Variants in CSMD2 observed in about 807,000 individuals in gnomAD.
CSMD2 encodes CUB and Sushi multiple domains 2.
Under a neutral mutation model 398.5 loss-of-function variants are expected in CSMD2, and 130 were observed. That is an observed-to-expected ratio of 0.33 (90% CI 0.28 to 0.38). The LOEUF is 0.38. CSMD2 is among the 10% of genes least tolerant of loss of function. The pLI, the probability that CSMD2 is intolerant of heterozygous loss-of-function variation, is 1.00. For missense variants in CSMD2, 3,829 were observed against 4,764.9 expected, an observed-to-expected ratio of 0.80 and a Z score of 5.78; for synonymous variants, 1,828 against 1,908.5, an observed-to-expected ratio of 0.96 and a Z score of 1.10.
intron 2 of CSMD2, among the ~76,000 whole-genome samples, chr1:34,035,562 A>G (rs544349052): frequency 6.6e-6 from 1 of 152,304 alleles, no homozygotes; most frequent in East Asian, 1.9e-4. Flanking sequence ...TTGAAAAATC[A>G]ATCAGTGTAA....
intron 3 of CSMD2, among the ~76,000 whole-genome samples, chr1:34,014,314 C>T (rs1273724090): frequency 6.6e-6 from 1 of 152,222 alleles, no homozygotes; most frequent in East Asian, 1.9e-4. Context: ...CAGAACCTGC[C>T]CATGGGTCCT....
intron 3 of CSMD2, among the ~76,000 whole-genome samples, chr1:34,016,997 C>A (rs1230991964): frequency 6.6e-6 from 1 of 152,078 alleles, no homozygotes; most frequent in East Asian, 1.9e-4. Context: ...GTTTAACTGG[C>A]ACTGTTTTCT....
chr1:33,935,248 A>G (rs926443442), intron 4 of CSMD2, among the ~76,000 whole-genome samples: 2 of 152,256 alleles, frequency 1.3e-5, no homozygotes, highest in African/African-American at 4.8e-5. Context: ...CCGACACAGC[A>G]TAGAAGAGAG....
At chr1:33,640,457 G>C (rs1049966646) in intron 29 of CSMD2, among the ~76,000 whole-genome samples, 5 of 152,152 alleles carry the variant, frequency 3.3e-5, no homozygotes, top group African/African-American at 1.2e-4. Context: ...GTGGCTGCCT[G>C]GTTTTGTAAA....
chr1:33,582,520 C>T (rs886536904), intron 47 of CSMD2, among the ~76,000 whole-genome samples: 13 of 152,152 alleles, frequency 8.5e-5, no homozygotes, highest in African/African-American at 2.2e-4. Context: ...AAAAAGACCC[C>T]GCACAATGAC....
At chr1:34,115,198 G>A (rs190919577) in intron 1 of CSMD2, among the ~76,000 whole-genome samples, 12 of 151,824 alleles carry the variant, frequency 7.9e-5, no homozygotes, top group Admixed American at 1.3e-4. Context: ...AAAAAATAAC[G>A]GCTGAAAACT....
At chr1:33,933,988 A>C (rs1218676913) in intron 4 of CSMD2, among the ~76,000 whole-genome samples, 3 of 152,194 alleles carry the variant, frequency 2.0e-5, no homozygotes, top group African/African-American at 7.2e-5. Flanking sequence ...GAAAGGGTGC[A>C]ATGAACAATT....
chr1:33,590,981 C>CTTTTTTTTTTTTT (rs11374822), intron 44 of CSMD2, among the ~76,000 whole-genome samples: 18 of 67,182 alleles, frequency 2.7e-4, no homozygotes, highest in East Asian at 5.5e-4. Context: ...TTTTATTTAT[C>CTTTTTTTTTTTTT]TTTTTTTTTT....
chr1:33,647,206 T>A (rs74066670), intron 28 of CSMD2, among the ~76,000 whole-genome samples: 2,873 of 152,294 alleles, frequency 0.019, 86 homozygotes, highest in African/African-American at 0.065. Context: ...AATGTCCTTA[T>A]ACTGTGCTCT....
chr1:33,998,583 T>C (rs929072347), intron 3 of CSMD2, among the ~76,000 whole-genome samples: 1 of 152,188 alleles, frequency 6.6e-6, no homozygotes, highest in African/African-American at 2.4e-5. Flanking sequence ...TGCAGATCTG[T>C]AGACTCCTAG....
chr1:33,673,366 G>C (rs1443273198), intron 25 of CSMD2, among the ~76,000 whole-genome samples: 1 of 152,152 alleles, frequency 6.6e-6, no homozygotes, highest in Non-Finnish European at 1.5e-5. Context: ...TATCAGCGAT[G>C]GAAGACGAAA....
chr1:33,559,243 A>G lies in CSMD2; in HGVS notation c.8554+57T>C. ...TCACTGGCTTCTTTTTCTGAGCTAC[A>G]GAACCACATATAGCAGAGATGGTGG... On this transcript the variant is annotated intron_variant, in intron 54 of 70. Coordinates refer to ENST00000373381, the MANE Select transcript of CSMD2 (RefSeq NM_001281956.2). The surrounding 1 kb of genome is among the most constrained non-coding windows in gnomAD (Gnocchi z 4.0). 1 of 1,462,258 alleles carries G rather than the reference A, an allele frequency of 6.8e-7. No individual in the cohort carries two copies. Among genetic ancestry groups the G allele is most frequent in the Non-Finnish European group, 9.2e-7 (1 of 1,088,868 alleles). 90.6% of individuals were successfully genotyped at this position (1,462,258 alleles called of 1,614,324 possible).
At chr1:33,526,970 T>C (rs1163711034) in intron 65 of CSMD2, among the ~76,000 whole-genome samples, 2 of 152,212 alleles carry the variant, frequency 1.3e-5, no homozygotes, top group African/African-American at 4.8e-5. Flanking sequence ...CAGTTGGAAG[T>C]TGCTGGCTCT....
chr1:33,829,106 G>T (rs911213), intron 6 of CSMD2, among the ~76,000 whole-genome samples: 42 of 152,164 alleles, frequency 2.8e-4, no homozygotes, highest in African/African-American at 1.0e-3. Flanking sequence ...GAATCCACAG[G>T]TAGAGTCTTT....
intron 5 of CSMD2, among the ~76,000 whole-genome samples, chr1:33,855,351 C>T (rs1172940707): frequency 2.6e-5 from 4 of 152,078 alleles, no homozygotes; most frequent in Non-Finnish European, 5.9e-5. Context: ...GATGGAACTT[C>T]TATCAGGAAG....
intron 5 of CSMD2, among the ~76,000 whole-genome samples, chr1:33,872,257 G>C (rs1045807971): frequency 6.6e-6 from 1 of 151,964 alleles, no homozygotes; most frequent in Admixed American, 6.6e-5. Context: ...CTGCTTATGT[G>C]AGAAGAGAGA....
In CSMD2 at chr1:33,772,766, G is replaced by A. The variant is rs767490961; in HGVS notation, c.1664-15C>T. 1.9e-6 allele frequency: 3 copies of A among 1,602,350 alleles called. No individual in the cohort carries two copies. Among genetic ancestry groups the A allele is most frequent in the South Asian group, 2.2e-5 (2 of 90,578 alleles). ...CTGCTCGATCTCTGAAAGACAGGAA[G>A]ATGAGAAAACAGAGACAAAAGGTGA... On this transcript the variant is annotated splice_polypyrimidine_tract_variant and intron_variant, in intron 12 of 70. Coordinates refer to ENST00000373381, the MANE Select transcript of CSMD2 (RefSeq NM_001281956.2).
chr1:34,079,998 T>C (rs1176653504), intron 2 of CSMD2, among the ~76,000 whole-genome samples: 1 of 151,784 alleles, frequency 6.6e-6, no homozygotes, highest in Non-Finnish European at 1.5e-5. Context: ...GTGTATATTG[T>C]GCTAAGAACT....
chr1:34,059,047 T>C (rs1226194345), intron 2 of CSMD2, among the ~76,000 whole-genome samples: 3 of 152,174 alleles, frequency 2.0e-5, no homozygotes, highest in Admixed American at 1.3e-4. Context: ...CTATGTCTCA[T>C]AGGACAGAAG....
Sources: gnomAD v4.1 joint callset for allele counts (sites outside exome capture counted in the v4.1 genomes callset) on GRCh38, gnomAD v4.1.1 for gene constraint, Gnocchi (gnomAD v3.1) non-coding constraint, MANE v1.5 for transcripts, NCBI Gene and HGNC (gene_info 2026-07-23, HGNC 2026-07-21) for gene names.